The following DACH1 variants were observed in gnomAD, a reference collection of about 807,000 sequenced individuals.
DACH1 encodes the protein dachshund family transcription factor 1, also known as dachshund homolog 1.
Under a neutral mutation model 54.2 loss-of-function variants are expected in DACH1, and 12 were observed. That is an observed-to-expected ratio of 0.22 (90% CI 0.14 to 0.36). The LOEUF (loss-of-function observed/expected upper bound fraction) is 0.36, where lower values mean the gene tolerates loss of function less well. DACH1 is among the 10% of genes least tolerant of loss of function. The probability of loss-of-function intolerance (pLI) is 1.00; values close to 1 mark genes in which losing one functional copy is unlikely to be tolerated. For synonymous variants in DACH1, 386 were observed against 366.2 expected (o/e 1.05, Z -0.62); for missense variants, 805 against 929.8 (o/e 0.87, Z 1.75).
chr13:71,810,375 A>G (rs886684636), intron 1 of DACH1, among the ~76,000 whole-genome samples: 1 of 152,202 alleles, frequency 6.6e-6, no homozygotes, highest in African/African-American at 2.4e-5. Context: ...TTTTTGTCAT[A>G]TGGAACTACA....
chr13:71,663,189 T>C (rs947699676), intron 2 of DACH1, among the ~76,000 whole-genome samples: 6 of 151,794 alleles, frequency 4.0e-5, no homozygotes, highest in Non-Finnish European at 7.4e-5. Context: ...ACTTCTCCAA[T>C]TGAGAATAAA....
intron 2 of DACH1, among the ~76,000 whole-genome samples, chr13:71,635,417 T>C (rs970314462): frequency 6.6e-6 from 1 of 152,188 alleles, no homozygotes; most frequent in Non-Finnish European, 1.5e-5. Context: ...TCTAAAAACA[T>C]AGCTTACAAT....
At chr13:71,461,312 A>G (rs1485702316) in intron 10 of DACH1, among the ~76,000 whole-genome samples, 1 of 152,088 alleles carries the variant, frequency 6.6e-6, no homozygotes, top group Non-Finnish European at 1.5e-5. Flanking sequence ...CAAAGCAGTT[A>G]GGAGAAGTCA....
chr13:71,630,503 T>G (rs756492593), intron 3 of DACH1, 53 bp downstream of exon 3: 1 of 1,501,814 alleles, frequency 6.7e-7, no homozygotes, highest in Non-Finnish European at 8.8e-7. Flanking sequence ...AAGCATTTAC[T>G]GTAATTCAGT....
At chr13:71,515,045 T>A (rs1275660040) in intron 6 of DACH1, among the ~76,000 whole-genome samples, 1 of 151,926 alleles carries the variant, frequency 6.6e-6, no homozygotes, top group Admixed American at 6.6e-5. Flanking sequence ...GCACATATAC[T>A]AGTATCACAC....
intron 1 of DACH1, among the ~76,000 whole-genome samples, chr13:71,859,327 G>A (rs1193109897): frequency 1.3e-5 from 2 of 151,708 alleles, no homozygotes; most frequent in Non-Finnish European, 3.0e-5. Flanking sequence ...GGAAATCTAT[G>A]TCCGAATAAA....
chr13:71,804,949 T>C (rs1334530716), intron 1 of DACH1, among the ~76,000 whole-genome samples: 1 of 152,160 alleles, frequency 6.6e-6, no homozygotes, highest in East Asian at 1.9e-4. Flanking sequence ...GAACACAGTA[T>C]TGTACCCTTC....
chr13:71,800,074 C>T (rs919579342), intron 1 of DACH1, among the ~76,000 whole-genome samples: 18 of 151,966 alleles, frequency 1.2e-4, no homozygotes, highest in African/African-American at 7.3e-5. Context: ...TTGGCCTTTC[C>T]GCTGACACAC....
intron 2 of DACH1, among the ~76,000 whole-genome samples, chr13:71,657,208 A>G (rs1325002165): frequency 6.6e-6 from 1 of 151,948 alleles, no homozygotes; most frequent in Admixed American, 6.6e-5. Context: ...TACAGTATAT[A>G]AAATGTCTCC....
At chr13:71,864,974 C>G (rs1441160031) in intron 1 of DACH1, among the ~76,000 whole-genome samples, 1 of 152,134 alleles carries the variant, frequency 6.6e-6, no homozygotes, top group Non-Finnish European at 1.5e-5. Flanking sequence ...AGAAAGAAAA[C>G]ACACTTTGGA....
intron 3 of DACH1, among the ~76,000 whole-genome samples, chr13:71,577,035 G>C (rs140457712): frequency 6.6e-6 from 1 of 152,074 alleles, no homozygotes; most frequent in Non-Finnish European, 1.5e-5. Context: ...GATCCTTCAA[G>C]GGAATCCTTA....
At chr13:71,637,859 C>T (rs1877599144) in intron 2 of DACH1, among the ~76,000 whole-genome samples, 1 of 152,086 alleles carries the variant, frequency 6.6e-6, no homozygotes, top group African/African-American at 2.4e-5. Flanking sequence ...TTATAGATAT[C>T]AATAAAAGAG....
At chr13:71,653,059 C>T (rs1594050062) in intron 2 of DACH1, among the ~76,000 whole-genome samples, 1 of 152,166 alleles carries the variant, frequency 6.6e-6, no homozygotes, top group East Asian at 1.9e-4. Context: ...CTAAAACACA[C>T]ATTTGGTTAA....
chr13:71,756,394 AT>A, intron 1 of DACH1, among the ~76,000 whole-genome samples: 1 of 151,960 alleles, frequency 6.6e-6, no homozygotes, highest in East Asian at 1.9e-4. Flanking sequence ...ATTCATTTTT[AT>A]TTCCTAGAAA....
chr13:71,799,287 C>A (rs886894377), intron 1 of DACH1, among the ~76,000 whole-genome samples: 3 of 152,080 alleles, frequency 2.0e-5, no homozygotes, highest in Non-Finnish European at 2.9e-5. Context: ...TATTTTACGG[C>A]ATTGAATAAA....
At chr13:71,790,008 C>G (rs1029070444) in intron 1 of DACH1, among the ~76,000 whole-genome samples, 2 of 152,064 alleles carry the variant, frequency 1.3e-5, no homozygotes, top group African/African-American at 2.4e-5. Flanking sequence ...TTCATACTTA[C>G]CAGAAATATC....
chr13:71,546,921 T>C (rs1286376393), intron 6 of DACH1, among the ~76,000 whole-genome samples: 1 of 152,124 alleles, frequency 6.6e-6, no homozygotes, highest in African/African-American at 2.4e-5. Context: ...TTACTTCAGT[T>C]ATTAGTTGGT....
intron 3 of DACH1, among the ~76,000 whole-genome samples, chr13:71,628,784 T>C (rs1462995025): frequency 1.3e-5 from 2 of 152,128 alleles, no homozygotes; most frequent in African/African-American, 4.8e-5. Context: ...AATATGTTGA[T>C]GCTTAATTAT....
chr13:71,808,823 T>C (rs1481895050), intron 1 of DACH1, among the ~76,000 whole-genome samples: 1 of 152,186 alleles, frequency 6.6e-6, no homozygotes. Flanking sequence ...ATATAATTTG[T>C]CTAAACTGTC....
Sources: gnomAD v4.1 joint callset for allele counts (sites outside exome capture counted in the v4.1 genomes callset) on GRCh38, gnomAD v4.1.1 for gene constraint, MANE v1.5 for transcripts, NCBI Gene and HGNC (gene_info 2026-07-23, HGNC 2026-07-21) for gene names.